DNAH9: variants seen among roughly 807,000 people sequenced by gnomAD.
DNAH9 encodes the protein DNAH9 variant protein.
In DNAH9, 345 loss-of-function variants were observed where a neutral mutation model predicts 471.6. That is an observed-to-expected ratio of 0.73 (90% CI 0.67 to 0.80). The LOEUF (loss-of-function observed/expected upper bound fraction) is 0.80, where lower values mean the gene tolerates loss of function less well. DNAH9 is among the 30% of genes least tolerant of loss of function. DNAH9 has a pLI of 0.00. For missense variants in DNAH9, 5,407 were observed against 5,609.2 expected (o/e 0.96, Z 1.15); for synonymous variants, 2,093 against 2,123.6 (o/e 0.99, Z 0.40).
At chr17:11,599,785 G>A (rs1206510322) in intron 1 of DNAH9, among the ~76,000 whole-genome samples, 1 of 152,196 alleles carries the variant, frequency 6.6e-6, no homozygotes, top group Non-Finnish European at 1.5e-5. Context: ...GTGAAATAAG[G>A]ATGGGCAGAA....
chr17:11,623,166 G>A lies in DNAH9; in HGVS notation c.1350+3385G>A, dbSNP rs912963935. On this transcript the variant is annotated intron_variant, in intron 6 of 68. Coordinates refer to ENST00000262442, the MANE Select transcript of DNAH9 (RefSeq NM_001372.4). The surrounding 1 kb of genome is among the most constrained non-coding windows in gnomAD (Gnocchi z 4.1). ...TTTTTGTATTTTTAGTAGAGACAGG[G>A]TCTTTCTGTGTTGGTCAGGCTGGTC... Among the ~76,000 whole-genome samples, 9 of 151,948 alleles carry A rather than the reference G, an allele frequency of 5.9e-5. No individual in the cohort carries two copies. The highest frequency in any genetic ancestry group is 5.8e-4 in the East Asian group (3 of 5,134).
At chr17:11,810,126 C>T in intron 44 of DNAH9, 120 bp from the exon 45 acceptor site, 2 of 1,270,588 alleles carry the variant, frequency 1.6e-6, no homozygotes. Flanking sequence ...CCCATTGTCA[C>T]CTTACTTTAA....
rs1318328942 is a variant in DNAH9, at chr17:11,606,449, TTTTC to T, written c.418-1676_418-1673del. Among the ~76,000 whole-genome samples, 18 of 93,422 alleles carry T rather than the reference TTTTC, an allele frequency of 1.9e-4. 1 individual carries two copies. Among genetic ancestry groups the T allele is most frequent in the African/African-American group, 6.2e-4 (11 of 17,728 alleles). 61.3% of individuals were successfully genotyped at this position (93,422 alleles called of 152,430 possible). ...ACTTTCTTTCTTTTCTTTTCTTTTC[TTTTC>T]TTTTTTTTTTTTTTGAGACAGAGTC... On this transcript the variant is annotated intron_variant, in intron 1 of 68. Transcript: ENST00000262442.
At chr17:11,644,341 C>T (rs62060783) in intron 10 of DNAH9, among the ~76,000 whole-genome samples, 50,934 of 152,034 alleles carry the variant, frequency 0.34, 8,773 homozygotes, top group Middle Eastern at 0.41. Flanking sequence ...TGAAGGACCT[C>T]ACATACCTTG....
intron 39 of DNAH9, among the ~76,000 whole-genome samples, chr17:11,783,163 G>A (rs1479113861): frequency 6.6e-6 from 1 of 152,118 alleles, no homozygotes; most frequent in Non-Finnish European, 1.5e-5. Flanking sequence ...GCTTTTAGCA[G>A]CCTGAAACCA....
intron 1 of DNAH9, among the ~76,000 whole-genome samples, chr17:11,603,619 C>T (rs2072433133): frequency 6.6e-6 from 1 of 152,200 alleles, no homozygotes; most frequent in African/African-American, 2.4e-5. Flanking sequence ...TTTTTCTCCT[C>T]TCTGCTAGAT....
At chr17:11,602,687 C>T (rs1158484296) in intron 1 of DNAH9, among the ~76,000 whole-genome samples, 1 of 152,180 alleles carries the variant, frequency 6.6e-6, no homozygotes, top group African/African-American at 2.4e-5. Context: ...ATGTGAATGA[C>T]CCTTCCAATA....
intron 49 of DNAH9, among the ~76,000 whole-genome samples, chr17:11,845,258 T>C (rs1567843328): frequency 1.7e-5 from 2 of 116,706 alleles, no homozygotes; most frequent in African/African-American, 3.0e-5. Context: ...ATGCGGTGTT[T>C]GGTTTTTTGT....
chr17:11,611,118 C>T lies in DNAH9; in HGVS notation c.774-532C>T, dbSNP rs942167113. On this transcript the variant is annotated intron_variant, in intron 3 of 68. Coordinates refer to ENST00000262442, the MANE Select transcript of DNAH9 (RefSeq NM_001372.4). The stretch of plus-strand genomic sequence containing the variant: ...CCATTTCCTCACTCCAATTTATTAT[C>T]GTGCTGATAAATCCTTTACTCAAAA... Among the ~76,000 whole-genome samples, 9 of 152,268 alleles carry T rather than the reference C, an allele frequency of 5.9e-5. No individual in the cohort carries two copies. In the East Asian group the frequency reaches 9.7e-4, roughly 16 times the overall value.
intron 60 of DNAH9, 82 bp from the exon 61 acceptor site, chr17:11,905,579 T>C (rs184578924): frequency 6.9e-7 from 1 of 1,449,440 alleles, no homozygotes; most frequent in East Asian, 2.3e-5. Flanking sequence ...TTCTTTCATT[T>C]CTATAGGCCT....
At chr17:11,956,108 AACT>A (rs1975626069) in intron 67 of DNAH9, among the ~76,000 whole-genome samples, 1 of 152,234 alleles carries the variant, frequency 6.6e-6, no homozygotes, top group Admixed American at 6.5e-5. Context: ...AGGACAAAAA[AACT>A]ACGTATCCAG....
intron 17 of DNAH9, among the ~76,000 whole-genome samples, chr17:11,679,491 A>G (rs1446256717): frequency 6.6e-6 from 1 of 152,242 alleles, no homozygotes; most frequent in African/African-American, 2.4e-5. Context: ...TATCCAAATC[A>G]CACATTACAT....
intron 35 of DNAH9, among the ~76,000 whole-genome samples, chr17:11,760,917 A>G (rs1314891650): frequency 1.3e-5 from 2 of 152,216 alleles, no homozygotes; most frequent in Admixed American, 6.5e-5. Flanking sequence ...CACTTGCTTT[A>G]AAGCCTTCCT....
At chr17:11,832,068 T>C (rs1481763434) in intron 48 of DNAH9, among the ~76,000 whole-genome samples, 1 of 152,210 alleles carries the variant, frequency 6.6e-6, no homozygotes, top group Admixed American at 6.5e-5. Flanking sequence ...CTCCAAAGTG[T>C]AGCTGGGATG....
intron 48 of DNAH9, among the ~76,000 whole-genome samples, chr17:11,823,336 C>T (rs750448304): frequency 6.6e-6 from 1 of 152,100 alleles, no homozygotes; most frequent in Non-Finnish European, 1.5e-5. Flanking sequence ...ATGCCCCGCT[C>T]AGGTCTGATC....
chr17:11,613,664 C>G (rs1264138054), intron 4 of DNAH9, among the ~76,000 whole-genome samples: 1 of 152,106 alleles, frequency 6.6e-6, no homozygotes, highest in Non-Finnish European at 1.5e-5. Context: ...GCAAGTGATA[C>G]CAGCTTTCCA....
chr17:11,617,728 A>G (rs1315693585), intron 5 of DNAH9, 106 bp downstream of exon 5: 14 of 784,030 alleles, frequency 1.8e-5, no homozygotes, highest in Admixed American at 4.5e-5. Flanking sequence ...GGAAATAATT[A>G]TGTTCCAAAG....
chr17:11,912,140 C>A (rs1325380350), intron 61 of DNAH9, among the ~76,000 whole-genome samples: 1 of 152,114 alleles, frequency 6.6e-6, no homozygotes, highest in African/African-American at 2.4e-5. Flanking sequence ...GCCTCAGCCT[C>A]CCGAGTAGCT....
At chr17:11,627,918 G>A (rs1018270339) in intron 6 of DNAH9, among the ~76,000 whole-genome samples, 1 of 152,178 alleles carries the variant, frequency 6.6e-6, no homozygotes, top group African/African-American at 2.4e-5. Context: ...GCAGGAAAAA[G>A]GAGCCAGGCA....
Sources: gnomAD v4.1 joint callset for allele counts (sites outside exome capture counted in the v4.1 genomes callset) on GRCh38, gnomAD v4.1.1 for gene constraint, Gnocchi (gnomAD v3.1) non-coding constraint, MANE v1.5 for transcripts, NCBI Gene and HGNC (gene_info 2026-07-23, HGNC 2026-07-21) for gene names.